The following HERC2 variants were observed in gnomAD, a reference collection of about 807,000 sequenced individuals.
HERC2 encodes the protein HECT and RLD domain containing E3 ubiquitin protein ligase 2, also known as E3 ubiquitin-protein ligase HERC2.
HERC2 carries 102 observed loss-of-function variants against 537.7 expected under a neutral mutation model. The observed-to-expected ratio is 0.19, with a 90% confidence interval of 0.16 to 0.22. HERC2 has a LOEUF of 0.22. Among genes scored for constraint, HERC2 ranks in the 10% least tolerant of loss-of-function variants. The pLI, the probability that HERC2 is intolerant of heterozygous loss-of-function variation, is 1.00. For synonymous variants in HERC2, 2,224 were observed against 2,466.2 expected, an observed-to-expected ratio of 0.90 and a Z score of 2.91; for missense variants, 4,236 against 6,198.2, an observed-to-expected ratio of 0.68 and a Z score of 10.63.
chr15:28,311,112 C>T (rs1434564053), intron 2 of HERC2, among the ~76,000 whole-genome samples: 1 of 122,304 alleles, frequency 8.2e-6, no homozygotes, highest in Non-Finnish European at 1.7e-5. Flanking sequence ...AAGGCTATTA[C>T]CAAGGGTCCA....
intron 2 of HERC2, among the ~76,000 whole-genome samples, chr15:28,301,891 T>C (rs2525951): frequency 8.6e-5 from 13 of 150,712 alleles, no homozygotes; most frequent in East Asian, 5.9e-4. Flanking sequence ...CCTTTGCCTT[T>C]TGGGTTCAAG....
chr15:28,269,310 G>A lies in HERC2; in HGVS notation c.1384C>T (p.Arg462Cys), dbSNP rs770718313. 14 of 1,614,188 alleles carry A rather than the reference G, an allele frequency of 8.7e-6. 1 individual carries two copies. Among genetic ancestry groups the A allele is most frequent in the East Asian group, 2.2e-5 (1 of 44,886 alleles). Reference sequence around the variant, plus strand: ...CCATTGCGTGACAGAATCAGGAAACGCTTCTCTGCACAGGCAATCTGTGTG... The same window carrying A: ...CCATTGCGTGACAGAATCAGGAAACACTTCTCTGCACAGGCAATCTGTGTG... ...GVTQIACAEK[R>C]FLILSRNGRV... The change falls in exon 11 of 93, where the codon CGT (arginine) becomes TGT (cysteine). Residue 462 changes from arginine to cysteine, a missense_variant. Arg to Cys is a radical substitution (Grantham distance 180, BLOSUM62 -3). Transcript: ENST00000261609.
chr15:28,305,631 G>A (rs1330864703), intron 2 of HERC2, among the ~76,000 whole-genome samples: 1 of 115,350 alleles, frequency 8.7e-6, no homozygotes, highest in Non-Finnish European at 1.9e-5. Context: ...AGGACTTCAT[G>A]TCCAAAACAC....
chr15:28,266,834 T>C (rs780395818), intron 12 of HERC2, among the ~76,000 whole-genome samples: 1 of 152,194 alleles, frequency 6.6e-6, no homozygotes, highest in Non-Finnish European at 1.5e-5. Flanking sequence ...CATGTCTTGA[T>C]GGTGGTGACC....
intron 5 of HERC2, among the ~76,000 whole-genome samples, chr15:28,276,658 G>A (rs1419727100): frequency 6.6e-6 from 1 of 151,922 alleles, no homozygotes; most frequent in African/African-American, 2.4e-5. Flanking sequence ...CTTGAACCTG[G>A]GAGGCAGAGG....
rs374769838 is a variant in HERC2 at position 28,237,048 on chromosome 15, C to T, written c.3918G>A (p.Glu1306=). ...ATCCGAGAAGCAGGCCCAGATTCCT[C>T]TCTGTGTCTATCAGAGGTGAAGAGA... is the stretch of plus-strand genomic sequence containing the variant. ...GSLSSPLIDT[E]RNLGLLLGLH... The change falls in exon 26 of 93, where the codon GAG becomes GAA. Residue 1306 remains glutamate, a synonymous_variant. Transcript: ENST00000261609. The T allele has an allele frequency of 2.5e-6, 4 of 1,609,314 alleles. No homozygotes were observed. In the African/African-American group the frequency reaches 4.0e-5, roughly 16 times the overall value.
chr15:28,317,762 G>A (rs1370324929), intron 2 of HERC2, among the ~76,000 whole-genome samples: 6 of 152,294 alleles, frequency 3.9e-5, no homozygotes, highest in East Asian at 1.9e-4. Context: ...ACAGAACTAC[G>A]CACACACATT....
rs748935454 is a variant in HERC2 at position 28,201,523 on chromosome 15, G to A, written c.7649C>T (p.Thr2550Met). The A allele has an allele frequency of 2.1e-5, 34 of 1,613,068 alleles. No individual in the cohort carries two copies. Among genetic ancestry groups the A allele is most frequent in the East Asian group, 1.3e-4 (6 of 44,884 alleles). The change falls in exon 48 of 93, where the codon ACG (threonine) becomes ATG (methionine). Residue 2550 changes from threonine to methionine, a missense_variant. By Grantham distance (81) the Thr-to-Met change is moderately conservative. Around this residue, in one of 27 missense-constraint regions of HERC2, gnomAD observed 606 missense variants for 884.5 expected, o/e 0.69. Coordinates refer to ENST00000261609, the MANE Select transcript of HERC2 (RefSeq NM_004667.6). ...STGAVVTESQTYKKRADFLSN... is the reference protein window; with the variant it reads ...STGAVVTESQMYKKRADFLSN... ...CAAGAAATCAGCTCGTTTTTTGTACGTCTGGCTCTCCGTCACAACAGCACC... is the reference window on the plus strand; with the variant it reads ...CAAGAAATCAGCTCGTTTTTTGTACATCTGGCTCTCCGTCACAACAGCACC...
At position 28,111,595 on chromosome 15, in the gene HERC2, TCTCA is replaced by T. The variant is rs1279911489; in HGVS notation, c.*164_*167del. 5 of 681,584 alleles carry T rather than the reference TCTCA, an allele frequency of 7.3e-6. No homozygotes were observed. In the African/African-American group the frequency reaches 9.0e-5, roughly 12 times the overall value. The allele number at this position is 681,584 out of a possible 1,614,324, so 42.2% of individuals were successfully genotyped here. A position where few individuals can be genotyped will look rare whatever the true frequency, so the allele number is the denominator to read the frequency against. ...GTGTTCCACGCGCACAGGCGGACCT[TCTCA>T]CTGTCATTCCCATCACGGCCAGTCA... On this transcript the variant is annotated 3_prime_UTR_variant, in exon 93 of 93. Transcript: ENST00000261609.
intron 8 of HERC2, 57 bp downstream of exon 8, chr15:28,272,837 A>T: frequency 9.0e-7 from 1 of 1,110,224 alleles, no homozygotes; most frequent in South Asian, 1.3e-5. Context: ...ACAATGCAAC[A>T]GGTATTTCCA....
At chr15:28,243,480 A>G (rs1903338666) in intron 23 of HERC2, among the ~76,000 whole-genome samples, 1 of 152,228 alleles carries the variant, frequency 6.6e-6, no homozygotes, top group South Asian at 2.1e-4. Flanking sequence ...TCAGAAATAG[A>G]GCCAAAAGTT....
intron 20 of HERC2, among the ~76,000 whole-genome samples, chr15:28,249,123 C>A (rs1904013350): frequency 1.3e-5 from 2 of 152,170 alleles, no homozygotes; most frequent in South Asian, 4.1e-4. Context: ...AAATATCTGA[C>A]CCTCTAGAAA....
intron 2 of HERC2, among the ~76,000 whole-genome samples, chr15:28,321,122 G>T (rs2525966): frequency 2.0e-5 from 3 of 151,670 alleles, no homozygotes; most frequent in Non-Finnish European, 2.9e-5. Context: ...AAAAAATTTT[G>T]CCTATTAATA....
chr15:28,276,501 G>A (rs1049611089), intron 5 of HERC2, among the ~76,000 whole-genome samples: 6 of 152,144 alleles, frequency 3.9e-5, no homozygotes, highest in Non-Finnish European at 8.8e-5. Context: ...GTGGTCAGAG[G>A]AGGTGGGCCA....
In HERC2 at chr15:28,228,522, A is replaced by G. The variant is rs370107869; in HGVS notation, c.5273-113T>C. ...TCTGACTATTTTGAAACCCACTGAC[A>G]TTTCTTCTGCATGGATGCAAGAATA... On this transcript the variant is annotated intron_variant, in intron 34 of 92. Coordinates refer to ENST00000261609, the MANE Select transcript of HERC2 (RefSeq NM_004667.6). 6 of 955,384 alleles carry G rather than the reference A, an allele frequency of 6.3e-6. No individual in the cohort carries two copies. The East Asian group carries it at 1.0e-4, about 17-fold the overall frequency. The allele number at this position is 955,384 out of a possible 1,614,324, so 59.2% of individuals were successfully genotyped here.
intron 26 of HERC2, among the ~76,000 whole-genome samples, chr15:28,236,271 T>C (rs79099923): frequency 0.079 from 11,961 of 151,972 alleles, 1,590 homozygotes; most frequent in African/African-American, 0.28. Flanking sequence ...TTATTATTTT[T>C]ATCATCATCA....
At chr15:28,284,919 GAAAAAAA>G (rs551327935) in intron 4 of HERC2, among the ~76,000 whole-genome samples, 9 of 32,544 alleles carry the variant, frequency 2.8e-4, no homozygotes, top group South Asian at 2.9e-3. Context: ...CTCCGTCTCG[GAAAAAAA>G]AAAAAAAAAA....
chr15:28,315,891 T>C (rs2077069062), intron 2 of HERC2: 1 of 470,238 alleles, frequency 2.1e-6, no homozygotes, highest in Non-Finnish European at 4.3e-6. Context: ...TCAATGGATC[T>C]AGAACTTCAT....
At chr15:28,227,975 G>A (rs114203647) in intron 35 of HERC2, among the ~76,000 whole-genome samples, 1,933 of 152,188 alleles carry the variant, frequency 0.013, 44 homozygotes, top group African/African-American at 0.044. Context: ...GAGGACTGAT[G>A]GCTAAATGGT....
Sources: gnomAD v4.1 joint callset for allele counts (sites outside exome capture counted in the v4.1 genomes callset) on GRCh38, gnomAD v4.1.1 for gene constraint, gnomAD v4.1.1 regional missense constraint, MANE v1.5 for transcripts, NCBI Gene and HGNC (gene_info 2026-07-23, HGNC 2026-07-21) for gene names.